PPARGC1A: variants seen among roughly 807,000 people sequenced by gnomAD.
PPARGC1A encodes the protein peroxisome proliferator-activated receptor gamma coactivator 1-alpha.
PPARGC1A carries 25 observed loss-of-function variants against 88.7 expected under a neutral mutation model. The observed-to-expected ratio is 0.28, with a 90% CI of 0.21 to 0.39. PPARGC1A has a LOEUF of 0.39. Ranked by LOEUF, PPARGC1A falls within the 10% of genes least tolerant of loss-of-function variation. The pLI is 1.00. For missense variants in PPARGC1A, 880 were observed against 968.7 expected (o/e 0.91, Z 1.22); for synonymous variants, 363 against 355.6 (o/e 1.02, Z -0.24).
upstream of PPARGC1A, among the ~76,000 whole-genome samples, chr4:23,892,338 G>T (rs1265081116): frequency 1.3e-5 from 2 of 152,004 alleles, no homozygotes; most frequent in African/African-American, 2.4e-5. Flanking sequence ...ACATTTAAAA[G>T]ACTCATAAAC....
the PPARGC1A span, among the ~76,000 whole-genome samples, chr4:24,320,230 A>G: frequency 6.6e-6 from 1 of 152,352 alleles, no homozygotes; most frequent in East Asian, 1.9e-4. Context: ...TGGAGGTTTA[A>G]GCAATGTTTT....
At chr4:24,042,663 T>A in the PPARGC1A span, among the ~76,000 whole-genome samples, 1 of 152,318 alleles carries the variant, frequency 6.6e-6, no homozygotes, top group Middle Eastern at 3.4e-3. Context: ...AGGTGATGTC[T>A]GCTTTCTCAT....
At chr4:24,173,732 G>A in the PPARGC1A span, among the ~76,000 whole-genome samples, 1 of 152,204 alleles carries the variant, frequency 6.6e-6, no homozygotes, top group Non-Finnish European at 1.5e-5. Context: ...GTAATCTTGA[G>A]CAAGTTACAT....
At chr4:23,928,949 G>T in the PPARGC1A span, among the ~76,000 whole-genome samples, 1 of 151,996 alleles carries the variant, frequency 6.6e-6, no homozygotes, top group Non-Finnish European at 1.5e-5. Flanking sequence ...CACAGGGAGG[G>T]GAACAACACA....
chr4:24,047,991 T>C, the PPARGC1A span, among the ~76,000 whole-genome samples: 1 of 152,218 alleles, frequency 6.6e-6, no homozygotes, highest in Non-Finnish European at 1.5e-5. Context: ...TGGGCAAATA[T>C]ATATCTCCAG....
intron 2 of PPARGC1A, among the ~76,000 whole-genome samples, chr4:23,876,506 G>A (rs967053683): frequency 3.3e-5 from 5 of 152,134 alleles, no homozygotes; most frequent in African/African-American, 1.2e-4. Flanking sequence ...ATTGTGTGAG[G>A]AGGACCCTGG....
chr4:23,844,975 G>T (rs1728050824), intron 2 of PPARGC1A, among the ~76,000 whole-genome samples: 1 of 149,954 alleles, frequency 6.7e-6, no homozygotes, highest in Non-Finnish European at 1.5e-5. Flanking sequence ...ACAGGGAAAA[G>T]AGTAAGAGTA....
the PPARGC1A span, among the ~76,000 whole-genome samples, chr4:24,170,616 G>C: frequency 6.6e-6 from 1 of 152,174 alleles, no homozygotes; most frequent in Non-Finnish European, 1.5e-5. Flanking sequence ...TAGTCCATCA[G>C]CTCGTTGATA....
the PPARGC1A span, among the ~76,000 whole-genome samples, chr4:24,469,666 T>G: frequency 3.3e-5 from 5 of 152,124 alleles, no homozygotes; most frequent in Non-Finnish European, 5.9e-5. Context: ...TATCAGAAAT[T>G]CTTTCGATTT....
At chr4:23,817,551 A>C (rs1482898869) in intron 7 of PPARGC1A, among the ~76,000 whole-genome samples, 1 of 152,160 alleles carries the variant, frequency 6.6e-6, no homozygotes, top group African/African-American at 2.4e-5. Flanking sequence ...AAATTGATGG[A>C]AACACCCAGA....
At chr4:24,190,770 C>A in the PPARGC1A span, among the ~76,000 whole-genome samples, 2 of 152,172 alleles carry the variant, frequency 1.3e-5, no homozygotes, top group Non-Finnish European at 2.9e-5. Flanking sequence ...CAGCTCATTC[C>A]TCTAGAAATA....
At chr4:24,213,122 C>T in the PPARGC1A span, among the ~76,000 whole-genome samples, 5 of 151,768 alleles carry the variant, frequency 3.3e-5, no homozygotes, top group Admixed American at 6.6e-5. Flanking sequence ...CCTACTCCAT[C>T]GCCCCCGAGT....
At chr4:24,328,220 C>T in the PPARGC1A span, among the ~76,000 whole-genome samples, 1 of 149,074 alleles carries the variant, frequency 6.7e-6, no homozygotes, top group African/African-American at 2.5e-5. Flanking sequence ...AAACTGAAGG[C>T]CACCCCCTCC....
the PPARGC1A span, among the ~76,000 whole-genome samples, chr4:24,138,323 T>C: frequency 6.6e-6 from 1 of 152,178 alleles, no homozygotes; most frequent in Non-Finnish European, 1.5e-5. Context: ...AAGTCAGGTC[T>C]CTCTCAACCT....
the PPARGC1A span, among the ~76,000 whole-genome samples, chr4:24,318,393 G>C: frequency 6.6e-6 from 1 of 152,186 alleles, no homozygotes; most frequent in African/African-American, 2.4e-5. Context: ...CATTCAGGTA[G>C]ACTAGAAGGA....
At chr4:24,020,988 A>G in the PPARGC1A span, among the ~76,000 whole-genome samples, 1 of 152,176 alleles carries the variant, frequency 6.6e-6, no homozygotes, top group Admixed American at 6.5e-5. Context: ...TGAGGCTGCA[A>G]AAACATGAGG....
At chr4:24,125,414 G>T in the PPARGC1A span, among the ~76,000 whole-genome samples, 1 of 151,852 alleles carries the variant, frequency 6.6e-6, no homozygotes, top group African/African-American at 2.4e-5. Context: ...ACGTAACCTG[G>T]AGCTGTAGAC....
At chr4:24,103,616 C>T in the PPARGC1A span, among the ~76,000 whole-genome samples, 2 of 138,840 alleles carry the variant, frequency 1.4e-5, no homozygotes. Flanking sequence ...AAAAAAGCCT[C>T]GTCAGTATAA....
the PPARGC1A span, among the ~76,000 whole-genome samples, chr4:24,088,692 A>G: frequency 7.4e-4 from 112 of 152,370 alleles, no homozygotes; most frequent in Non-Finnish European, 1.4e-3. Context: ...AAAACATTTT[A>G]TTAAAGTCTT....
Sources: gnomAD v4.1 joint callset for allele counts (sites outside exome capture counted in the v4.1 genomes callset) on GRCh38, gnomAD v4.1.1 for gene constraint, MANE v1.5 for transcripts, NCBI Gene and HGNC (gene_info 2026-07-23, HGNC 2026-07-21) for gene names.